Variants in SPAG16 observed in about 807,000 individuals in gnomAD.
The protein encoded by SPAG16 is sperm associated antigen 16.
A neutral mutation model predicts 80.4 loss-of-function variants in SPAG16; 86 were observed. That is an observed-to-expected ratio of 1.07 (90% CI 0.90 to 1.28). The LOEUF (loss-of-function observed/expected upper bound fraction) is 1.28, where lower values mean the gene tolerates loss of function less well. Ranked by LOEUF, SPAG16 falls within the 50% of genes most tolerant of loss-of-function variation. The pLI is 0.00. For missense variants in SPAG16, 870 were observed against 765.3 expected (o/e 1.14, Z -1.61); for synonymous variants, 294 against 265.9 (o/e 1.11, Z -1.03).
chr2:213,524,858 G>C (rs74400233), intron 10 of SPAG16, among the ~76,000 whole-genome samples: 13,103 of 152,248 alleles, frequency 0.086, 1,415 homozygotes, highest in African/African-American at 0.25. Context: ...TTGGAATTTT[G>C]AGTTAATGTT....
intron 15 of SPAG16, among the ~76,000 whole-genome samples, chr2:214,168,244 A>T: frequency 6.6e-6 from 1 of 151,896 alleles, no homozygotes; most frequent in East Asian, 1.9e-4. Context: ...TGCCTGCCTC[A>T]GCCTCCCAAA....
At chr2:213,446,028 A>T (rs1395542124) in intron 9 of SPAG16, among the ~76,000 whole-genome samples, 1 of 152,222 alleles carries the variant, frequency 6.6e-6, no homozygotes, top group African/African-American at 2.4e-5. Flanking sequence ...AAGCCAATCA[A>T]CTAAATCCAA....
At chr2:214,323,510 G>T (rs569734206) in intron 15 of SPAG16, among the ~76,000 whole-genome samples, 5 of 152,222 alleles carry the variant, frequency 3.3e-5, no homozygotes, top group Admixed American at 2.0e-4. Context: ...AACTGCTGTT[G>T]TTTGACTTCC....
At chr2:214,139,111 A>C (rs2055214294) in intron 14 of SPAG16, among the ~76,000 whole-genome samples, 1 of 152,128 alleles carries the variant, frequency 6.6e-6, no homozygotes, top group Admixed American at 6.6e-5. Context: ...TTTCAAGAGC[A>C]ATATTTGTAT....
chr2:214,333,733 C>G (rs1697088954), intron 15 of SPAG16, among the ~76,000 whole-genome samples: 1 of 152,058 alleles, frequency 6.6e-6, no homozygotes, highest in Non-Finnish European at 1.5e-5. Context: ...TATTGGAGCT[C>G]CAGAGAAGGT....
chr2:213,779,078 CA>C (rs775158287), intron 10 of SPAG16, among the ~76,000 whole-genome samples: 2 of 152,186 alleles, frequency 1.3e-5, no homozygotes, highest in Non-Finnish European at 2.9e-5. Flanking sequence ...TCATCTATTT[CA>C]ATCCTTTCCA....
chr2:213,473,502 G>C (rs2073201935), intron 9 of SPAG16, among the ~76,000 whole-genome samples: 1 of 152,136 alleles, frequency 6.6e-6, no homozygotes, highest in Admixed American at 6.6e-5. Flanking sequence ...GATTAGGTCT[G>C]AAGTGACTAA....
chr2:213,732,232 T>C (rs2067080735), intron 10 of SPAG16, among the ~76,000 whole-genome samples: 1 of 152,170 alleles, frequency 6.6e-6, no homozygotes, highest in Non-Finnish European at 1.5e-5. Flanking sequence ...TGTAGATGAG[T>C]GGTCTTATTT....
At chr2:213,621,679 AG>A (rs1282275454) in intron 10 of SPAG16, among the ~76,000 whole-genome samples, 1 of 152,246 alleles carries the variant, frequency 6.6e-6, no homozygotes. Context: ...TAGATTATAC[AG>A]AATTCTGAGG....
At chr2:213,352,876 G>A (rs2065410433) in intron 7 of SPAG16, among the ~76,000 whole-genome samples, 1 of 152,154 alleles carries the variant, frequency 6.6e-6, no homozygotes, top group Non-Finnish European at 1.5e-5. Flanking sequence ...GCATATTAAA[G>A]ACTATCCCAA....
intron 15 of SPAG16, among the ~76,000 whole-genome samples, chr2:214,303,164 A>C (rs1031066110): frequency 6.6e-6 from 1 of 152,186 alleles, no homozygotes; most frequent in Admixed American, 6.5e-5. Context: ...TTCCTGTCAT[A>C]ATATTGTTAG....
intron 13 of SPAG16, among the ~76,000 whole-genome samples, chr2:214,030,899 G>T (rs187445805): frequency 1.3e-5 from 2 of 152,328 alleles, no homozygotes; most frequent in Admixed American, 1.3e-4. Flanking sequence ...TGTCCCTGGG[G>T]ACAGGTAGAA....
chr2:213,841,267 G>A (rs1022472730), intron 10 of SPAG16, among the ~76,000 whole-genome samples: 1 of 152,166 alleles, frequency 6.6e-6, no homozygotes, highest in African/African-American at 2.4e-5. Context: ...AAAGACTTAA[G>A]TTGGCAAGAT....
intron 9 of SPAG16, among the ~76,000 whole-genome samples, chr2:213,401,444 T>C (rs1316927418): frequency 6.6e-6 from 1 of 152,246 alleles, no homozygotes; most frequent in Non-Finnish European, 1.5e-5. Flanking sequence ...TATCTTATTG[T>C]TTCTTTGGTA....
intron 11 of SPAG16, among the ~76,000 whole-genome samples, chr2:213,905,643 T>A (rs1306104901): frequency 6.6e-6 from 1 of 152,230 alleles, no homozygotes; most frequent in African/African-American, 2.4e-5. Flanking sequence ...TCCTGCCCCC[T>A]ATGTATTACA....
At chr2:213,317,170 A>G (rs1316770558) in intron 4 of SPAG16, 49 bp from the exon 5 acceptor site, 2 of 1,273,386 alleles carry the variant, frequency 1.6e-6, no homozygotes, top group Admixed American at 4.5e-5. Context: ...AATTAAGCCA[A>G]TTTGGCAGAA....
Position 213,878,245 on chromosome 2 carries a change from GA to G in SPAG16, c.1214+15620del, listed in dbSNP as rs1307209066. Among the ~76,000 whole-genome samples, 5 of 138,626 alleles carry G rather than the reference GA, an allele frequency of 3.6e-5. No homozygotes were observed. In the East Asian group the frequency reaches 1.1e-3, roughly 32 times the overall value. The allele number at this position is 138,626 out of a possible 152,430, so 90.9% of individuals were successfully genotyped here. ...GGCAGTTCTATTTTTAGTTCTCTGA[GA>G]AATCATCATATTGTTTTCCAAAGAG... On this transcript the variant is annotated intron_variant, in intron 11 of 15. Transcript: ENST00000331683.
intron 14 of SPAG16, among the ~76,000 whole-genome samples, chr2:214,142,640 C>G (rs1046955465): frequency 1.3e-5 from 2 of 152,114 alleles, no homozygotes; most frequent in Non-Finnish European, 2.9e-5. Flanking sequence ...GAAATCTGCC[C>G]TCTGGTTTTG....
At chr2:213,711,271 TATC>T (rs2065974074) in intron 10 of SPAG16, among the ~76,000 whole-genome samples, 6 of 152,088 alleles carry the variant, frequency 3.9e-5, no homozygotes. Flanking sequence ...TTTTTTTTAA[TATC>T]ATGGTGAATA....
Sources: allele counts gnomAD v4.1 joint callset (sites outside exome capture counted in the v4.1 genomes callset), GRCh38; gene constraint gnomAD v4.1.1; transcripts MANE v1.5; gene names NCBI Gene and HGNC (gene_info 2026-07-23, HGNC 2026-07-21).